Variants in STX1B observed in about 807,000 individuals in gnomAD.
The protein encoded by STX1B is syntaxin 1B.
In STX1B, 7 loss-of-function variants were observed where a neutral mutation model predicts 39.4. The ratio of observed to expected loss-of-function variants is 0.18; its 90% CI spans 0.10 to 0.33. The LOEUF is 0.33. Among genes scored for constraint, STX1B ranks in the 10% least tolerant of loss-of-function variants. The pLI, the probability that STX1B is intolerant of heterozygous loss-of-function variation, is 1.00. For missense variants in STX1B, 198 were observed against 383.2 expected, an observed-to-expected ratio of 0.52 and a Z score of 4.04; for synonymous variants, 136 against 144.1, an observed-to-expected ratio of 0.94 and a Z score of 0.40.
chr16:31,003,105 G>A (rs1035934133), intron 1 of STX1B, among the ~76,000 whole-genome samples: 1 of 152,192 alleles, frequency 6.6e-6, no homozygotes, highest in East Asian at 1.9e-4. Context: ...GGAAAAGCCA[G>A]CACAGCCTGG....
In STX1B at chr16:30,996,697, T is replaced by A; in HGVS notation, c.523A>T (p.Ile175Phe). 1 of 1,614,048 alleles carries A rather than the reference T, an allele frequency of 6.2e-7. No homozygotes were observed. The highest frequency in any genetic ancestry group is 8.5e-7 in the Non-Finnish European group (1 of 1,179,914). The change falls in exon 7 of 10, where the codon ATC becomes TTC. Residue 175 changes from isoleucine (I) to phenylalanine (F), a missense_variant. By Grantham distance (21) the Ile-to-Phe change is conservative. Transcript: ENST00000215095. ...EDMLESGKLA[I>F]FTDDIKMDSQ... ...CCGCGGCTCACGTCATCTGTGAAGA[T>A]GGCCAGCTTCCCGCTCTCCAGCATG...
rs1284630780 is a variant in STX1B at position 31,010,434 on chromosome 16, C to G, written c.-38G>C. 3 of 1,384,860 alleles carry G rather than the reference C, an allele frequency of 2.2e-6. No homozygotes were observed. The highest frequency in any genetic ancestry group is 1.8e-5 in the South Asian group (1 of 54,164). The allele number at this position is 1,384,860 out of a possible 1,614,324, so 85.8% of individuals were successfully genotyped here. ...CCTCCTCCTCCTCCTAGTCCTCCTG[C>G]CTCTGCTGCTGCTCCGGGTCTCCCG... On this transcript the variant is annotated 5_prime_UTR_variant, in exon 1 of 10. Coordinates refer to ENST00000215095, the MANE Select transcript of STX1B (RefSeq NM_052874.5).
intron 7 of STX1B, among the ~76,000 whole-genome samples, chr16:30,994,169 G>A (rs1433165418): frequency 1.3e-5 from 2 of 151,794 alleles, no homozygotes; most frequent in African/African-American, 2.4e-5. Context: ...GTGGGCGCCT[G>A]TAGTTTCAGC....
At chr16:30,994,892 CTT>C (rs10524041) in intron 7 of STX1B, among the ~76,000 whole-genome samples, 5 of 99,830 alleles carry the variant, frequency 5.0e-5, no homozygotes, top group Admixed American at 1.2e-4. Context: ...GTCTCCCCGT[CTT>C]TTTTTTTTTT....
chr16:30,995,374 C>G (rs775114453), intron 7 of STX1B, among the ~76,000 whole-genome samples: 1 of 152,148 alleles, frequency 6.6e-6, no homozygotes, highest in Non-Finnish European at 1.5e-5. Flanking sequence ...TGGTCTAGAA[C>G]CCTTAACCAG....
chr16:31,006,561 G>A (rs2056655975), intron 1 of STX1B, among the ~76,000 whole-genome samples: 1 of 152,186 alleles, frequency 6.6e-6, no homozygotes, highest in Non-Finnish European at 1.5e-5. Flanking sequence ...AGATTGTGCT[G>A]AATAGCAGGA....
intron 4 of STX1B, among the ~76,000 whole-genome samples, chr16:30,998,786 C>A (rs2056609023): frequency 6.6e-6 from 1 of 152,172 alleles, no homozygotes; most frequent in Non-Finnish European, 1.5e-5. Flanking sequence ...ACCCCTCACC[C>A]ACAGAGCCCT....
chr16:30,993,499 G>A lies in STX1B; in HGVS notation c.538-15C>T, dbSNP rs1030644494. 1.9e-6 allele frequency: 3 copies of A among 1,612,768 alleles called. No homozygotes were observed. Among genetic ancestry groups the A allele is most frequent in the Non-Finnish European group, 2.5e-6 (3 of 1,179,900 alleles). ...TCCATTTTGATCTAGGGTGACGAGGGAGAGAGCTACAATCACCCTTCTCCG... is the reference window on the plus strand; with the variant it reads ...TCCATTTTGATCTAGGGTGACGAGGAAGAGAGCTACAATCACCCTTCTCCG... On this transcript the variant is annotated splice_polypyrimidine_tract_variant and intron_variant, in intron 7 of 9. Transcript: ENST00000215095.
At chr16:30,999,788 G>C (rs919691810) in intron 4 of STX1B, among the ~76,000 whole-genome samples, 2 of 152,164 alleles carry the variant, frequency 1.3e-5, no homozygotes, top group Non-Finnish European at 2.9e-5. Context: ...CCTTTTTCTG[G>C]TGAACCTTCA....
chr16:31,004,156 C>T (rs995836902), intron 1 of STX1B, among the ~76,000 whole-genome samples: 5 of 152,214 alleles, frequency 3.3e-5, no homozygotes, highest in Non-Finnish European at 4.4e-5. Context: ...GTATTTTTTG[C>T]GTAAGTCTTA....
chr16:30,994,327 T>A, intron 7 of STX1B, among the ~76,000 whole-genome samples: 1 of 142,598 alleles, frequency 7.0e-6, no homozygotes, highest in African/African-American at 2.6e-5. Context: ...GAGAGGCCTG[T>A]AACCCCAGTA....
Position 30,993,112 on chromosome 16 carries a change from G to C in STX1B, c.786+18C>G. The C allele has an allele frequency of 6.2e-7, 1 of 1,612,088 alleles. No homozygotes were observed. Among genetic ancestry groups the C allele is most frequent in the Non-Finnish European group, 8.5e-7 (1 of 1,178,140 alleles). On this transcript the variant is annotated intron_variant, in intron 9 of 9. Coordinates refer to ENST00000215095, the MANE Select transcript of STX1B (RefSeq NM_052874.5). ...CTTGGGCTCCCCCGCCTACCCCCAG[G>C]CCGCCTGCCCCGCTCACCCTCCGGG...
At chr16:30,997,626 C>A (rs1200567376) in intron 4 of STX1B, 51 bp from the exon 5 acceptor site, 4 of 1,542,434 alleles carry the variant, frequency 2.6e-6, no homozygotes, top group Non-Finnish European at 3.5e-6. Flanking sequence ...GCACATGGGG[C>A]GAGGGTCCGG....
In STX1B at chr16:30,993,353, C is replaced by T; in HGVS notation, c.669G>A (p.Glu223=). Residue 223 remains glutamate (E), a synonymous_variant, in exon 8 of 10, where the codon GAG becomes GAA. Transcript: ENST00000215095. ...DMFVDMAMLV[E]SQGEMIDRIE... is the part of the protein sequence containing the mutation. ...TGGGTGGCAGAGCCAGTACCTGGCT[C>T]TCTACGAGCATGGCCATGTCCACAA... is the stretch of plus-strand genomic sequence containing the variant. The T allele has an allele frequency of 6.2e-7, 1 of 1,614,228 alleles. No individual in the cohort carries two copies. Among genetic ancestry groups the T allele is most frequent in the Non-Finnish European group, 8.5e-7 (1 of 1,180,036 alleles).
At chr16:31,006,535 T>G (rs1299083957) in intron 1 of STX1B, among the ~76,000 whole-genome samples, 1 of 151,654 alleles carries the variant, frequency 6.6e-6, no homozygotes, top group Admixed American at 6.6e-5. Flanking sequence ...CAATGGGAGG[T>G]GAACAAGACC....
At chr16:30,997,396 C>T in intron 5 of STX1B, 106 bp downstream of exon 5, 1 of 1,055,232 alleles carries the variant, frequency 9.5e-7, no homozygotes, top group South Asian at 1.4e-5. Flanking sequence ...CCCAGCCCTC[C>T]CTGACCACGC....
In STX1B at chr16:30,993,115, G is replaced by T; in HGVS notation, c.786+15C>A. 5 of 1,612,310 alleles carry T rather than the reference G, an allele frequency of 3.1e-6. No individual in the cohort carries two copies. The highest frequency in any genetic ancestry group is 3.4e-6 in the Non-Finnish European group (4 of 1,178,378). ...GGGCTCCCCCGCCTACCCCCAGGCC[G>T]CCTGCCCCGCTCACCCTCCGGGCCT... On this transcript the variant is annotated intron_variant, in intron 9 of 9. Transcript: ENST00000215095.
At chr16:30,996,252 G>C (rs2056591245) in intron 7 of STX1B, 2 of 157,064 alleles carry the variant, frequency 1.3e-5, no homozygotes, top group South Asian at 4.1e-4. Context: ...GTTCTCTGGT[G>C]AAACGACTTG....
intron 4 of STX1B, among the ~76,000 whole-genome samples, chr16:30,999,321 C>A (rs1045759374): frequency 6.6e-6 from 1 of 152,182 alleles, no homozygotes; most frequent in African/African-American, 2.4e-5. Context: ...GAGTTACTAC[C>A]CTTCTCTCTC....
Sources: gnomAD v4.1 joint callset for allele counts (sites outside exome capture counted in the v4.1 genomes callset) on GRCh38, gnomAD v4.1.1 for gene constraint, MANE v1.5 for transcripts, NCBI Gene and HGNC (gene_info 2026-07-23, HGNC 2026-07-21) for gene names.